TPST2: variants seen among roughly 807,000 people sequenced by gnomAD.
The protein encoded by TPST2 is tyrosylprotein sulfotransferase 2, also known as protein-tyrosine sulfotransferase 2.
In TPST2, 16 loss-of-function variants were observed where a neutral mutation model predicts 27.8. That is an observed-to-expected ratio of 0.58 (90% CI 0.39 to 0.88). The LOEUF (loss-of-function observed/expected upper bound fraction) is 0.88. Among genes scored for constraint, TPST2 ranks in the 40% least tolerant of loss-of-function variants. The pLI, the probability that TPST2 is intolerant of heterozygous loss-of-function variation, is 0.00. For synonymous variants in TPST2, 229 were observed against 231.7 expected (o/e 0.99, Z 0.10); for missense variants, 464 against 543.1 (o/e 0.85, Z 1.45).
chr22:26,559,573 CAGG>C (rs1443828487), intron 1 of TPST2, among the ~76,000 whole-genome samples: 1 of 152,154 alleles, frequency 6.6e-6, no homozygotes, highest in African/African-American at 2.4e-5. Flanking sequence ...CTCCCAGCCC[CAGG>C]AGACCACTAC....
chr22:26,577,128 C>T (rs1186116325), intron 1 of TPST2, among the ~76,000 whole-genome samples: 1 of 148,172 alleles, frequency 6.7e-6, no homozygotes, highest in Non-Finnish European at 1.5e-5. Context: ...ATTAAATTAG[C>T]CAAGCGTGGT....
chr22:26,550,578 G>T, intron 1 of TPST2: 1 of 985,480 alleles, frequency 1.0e-6, no homozygotes, highest in Non-Finnish European at 1.2e-6. Flanking sequence ...AGCTCAGGAG[G>T]TCACTGCACT....
At chr22:26,554,952 C>T (rs1926706525) in intron 1 of TPST2, among the ~76,000 whole-genome samples, 1 of 152,204 alleles carries the variant, frequency 6.6e-6, no homozygotes, top group Non-Finnish European at 1.5e-5. Flanking sequence ...TAAATAAACT[C>T]ACATAAAGCA....
chr22:26,558,046 CA>C (rs1187932051), intron 1 of TPST2, among the ~76,000 whole-genome samples: 3 of 145,112 alleles, frequency 2.1e-5, no homozygotes, highest in Non-Finnish European at 3.0e-5. Context: ...GACTCCGTCT[CA>C]AAAAAATATA....
chr22:26,549,822 A>C (rs112297650), intron 1 of TPST2, among the ~76,000 whole-genome samples: 66 of 148,520 alleles, frequency 4.4e-4, no homozygotes, highest in African/African-American at 1.6e-3. Context: ...CGAAGTCAGG[A>C]GATCGAGACC....
chr22:26,572,234 A>C (rs928796797), intron 1 of TPST2, among the ~76,000 whole-genome samples: 1 of 152,104 alleles, frequency 6.6e-6, no homozygotes, highest in Non-Finnish European at 1.5e-5. Flanking sequence ...CGTTTGACCC[A>C]ATCTAGGTCA....
chr22:26,529,659 T>C (rs1253059054), intron 5 of TPST2, among the ~76,000 whole-genome samples: 1 of 152,188 alleles, frequency 6.6e-6, no homozygotes, highest in African/African-American at 2.4e-5. Context: ...GGAAAGGGCA[T>C]GGATGTTCTG....
chr22:26,551,870 TTCTTTTC>T (rs1926488086), intron 1 of TPST2, among the ~76,000 whole-genome samples: 3 of 127,526 alleles, frequency 2.4e-5, no homozygotes, highest in Non-Finnish European at 4.9e-5. Context: ...TCTTTTCCTT[TTCTTTTC>T]TTTTTCTTTT....
At chr22:26,557,042 T>C (rs1004128836) in intron 1 of TPST2, among the ~76,000 whole-genome samples, 2 of 152,232 alleles carry the variant, frequency 1.3e-5, no homozygotes, top group Admixed American at 6.5e-5. Context: ...GCTATCAACA[T>C]AGCAAGCCCC....
chr22:26,567,949 T>A (rs1569192958), intron 1 of TPST2, among the ~76,000 whole-genome samples: 2 of 152,240 alleles, frequency 1.3e-5, no homozygotes, highest in Non-Finnish European at 2.9e-5. Flanking sequence ...ACTTTCATAC[T>A]CTGCTGGCAG....
At chr22:26,539,853 C>G (rs1232445488) in intron 3 of TPST2, among the ~76,000 whole-genome samples, 1 of 152,194 alleles carries the variant, frequency 6.6e-6, no homozygotes, top group East Asian at 1.9e-4. Flanking sequence ...AGCTGTGTAG[C>G]CTGAGGCCAG....
rs1172352767 is a variant in TPST2, at chr22:26,540,932, G to A, written c.699C>T (p.Cys233=). ...CCAGCTGCTCGTAGTACACAGGCAG[G>A]CACTTCTCCTTGCCTACCTCCATGC... is the stretch of plus-strand genomic sequence containing the variant. ...AQCMEVGKEK[C]LPVYYEQLVL... The change falls in exon 3 of 7, where the codon TGC becomes TGT. Residue 233 remains cysteine, a synonymous_variant. Transcript: ENST00000338754. 1.2e-6 allele frequency: 2 copies of A among 1,613,618 alleles called. No homozygotes were observed. Among genetic ancestry groups the A allele is most frequent in the East Asian group, 2.2e-5 (1 of 44,896 alleles).
intron 3 of TPST2, among the ~76,000 whole-genome samples, chr22:26,538,019 A>T (rs1602257698): frequency 6.6e-6 from 1 of 152,070 alleles, no homozygotes; most frequent in Admixed American, 6.6e-5. Flanking sequence ...CTGCTTCCTA[A>T]CTCTCCCTGT....
intron 1 of TPST2, among the ~76,000 whole-genome samples, chr22:26,587,047 G>A (rs545283251): frequency 3.3e-5 from 5 of 152,302 alleles, no homozygotes; most frequent in East Asian, 1.9e-4. Flanking sequence ...AGGACACTCC[G>A]GTGGCCACCC....
rs549915531 is a variant in TPST2, at chr22:26,540,796, G to C, written c.835C>G (p.Leu279Val). 9.5e-6 allele frequency: 15 copies of C among 1,586,820 alleles called. No individual in the cohort carries two copies. Among genetic ancestry groups the C allele is most frequent in the Admixed American group, 1.7e-5 (1 of 59,102 alleles). Residue 279 changes from leucine to valine, a missense_variant, in exon 3 of 7, where the codon CTG becomes GTG. Physicochemically the swap from Leu to Val is conservative, Grantham distance 32. Transcript: ENST00000338754. Reference protein sequence around the residue: ...DLIGKPGGVSLSKIERSTDQV... With the variant: ...DLIGKPGGVSVSKIERSTDQV... Reference sequence around the variant, plus strand: ...ATCAGGGGCTCCACTCACTTGGACAGGGAGACACCACCGGGCTTGCCAATG... The same window carrying C: ...ATCAGGGGCTCCACTCACTTGGACACGGAGACACCACCGGGCTTGCCAATG...
intron 1 of TPST2, among the ~76,000 whole-genome samples, chr22:26,553,177 C>A (rs1926578218): frequency 6.6e-6 from 1 of 151,038 alleles, no homozygotes; most frequent in African/African-American, 2.4e-5. Flanking sequence ...AGTTTTGGTT[C>A]TGGGACTTTT....
At position 26,525,766 on chromosome 22, in the gene TPST2, A is replaced by T. The variant is rs112970845; in HGVS notation, c.*509T>A. 1 of 152,610 alleles carries T rather than the reference A, an allele frequency of 6.6e-6. No homozygotes were observed. The highest frequency in any genetic ancestry group is 1.5e-5 in the Non-Finnish European group (1 of 68,040). 9.5% of individuals were successfully genotyped at this position (152,610 alleles called of 1,614,324 possible). On this transcript the variant is annotated 3_prime_UTR_variant, in exon 7 of 7. Transcript: ENST00000338754. ...CTATTCATTCAGTAAAGTAAGGCAC[A>T]AACAAATGAGCCTCTGTTCACTTTA...
At chr22:26,531,148 C>A (rs5997100) in intron 5 of TPST2, among the ~76,000 whole-genome samples, 4,805 of 152,162 alleles carry the variant, frequency 0.032, 259 homozygotes, top group African/African-American at 0.11. Context: ...AATGGCATAC[C>A]CCCACGCTCA....
chr22:26,547,972 T>C (rs1304145500), intron 1 of TPST2, among the ~76,000 whole-genome samples: 2 of 152,210 alleles, frequency 1.3e-5, no homozygotes, highest in Non-Finnish European at 2.9e-5. Flanking sequence ...CCATACATGT[T>C]ATGGGCCCAG....
Sources: allele counts gnomAD v4.1 joint callset (sites outside exome capture counted in the v4.1 genomes callset), GRCh38; gene constraint gnomAD v4.1.1; transcripts MANE v1.5; gene names NCBI Gene and HGNC (gene_info 2026-07-23, HGNC 2026-07-21).